The following FAM20B variants were observed in gnomAD, a reference collection of about 807,000 sequenced individuals.
FAM20B encodes the protein glycosaminoglycan xylosylkinase.
FAM20B carries 23 observed loss-of-function variants against 43.8 expected under a neutral mutation model. The ratio of observed to expected loss-of-function variants is 0.53; its 90% confidence interval spans 0.38 to 0.74. The LOEUF is 0.74. Ranked by LOEUF, FAM20B falls within the 30% of genes least tolerant of loss-of-function variation. The probability of loss-of-function intolerance (pLI) is 0.00; values close to 1 mark genes in which losing one functional copy is unlikely to be tolerated. For synonymous variants in FAM20B, 178 were observed against 192.4 expected (o/e 0.93, Z 0.62); for missense variants, 440 against 510.5 (o/e 0.86, Z 1.33).
chr1:179,022,054 G>A (rs1222993337), upstream of FAM20B, among the ~76,000 whole-genome samples: 1 of 152,186 alleles, frequency 6.6e-6, no homozygotes, highest in Admixed American at 6.5e-5. Context: ...GGCATTGACA[G>A]GGGTGCCACG....
intron 2 of FAM20B, among the ~76,000 whole-genome samples, chr1:179,044,505 C>T (rs1184986330): frequency 6.6e-6 from 1 of 152,160 alleles, no homozygotes; most frequent in African/African-American, 2.4e-5. Context: ...TTACTATCTC[C>T]GTAGTTTTGC....
At chr1:179,062,578 A>G (rs952444217) in intron 4 of FAM20B, among the ~76,000 whole-genome samples, 7 of 152,056 alleles carry the variant, frequency 4.6e-5, no homozygotes, top group African/African-American at 1.7e-4. Flanking sequence ...TGAACCCGGG[A>G]GGCGGAGGTT....
intron 4 of FAM20B, 100 bp from the exon 5 acceptor site, chr1:179,063,827 C>T: frequency 1.1e-5 from 8 of 753,938 alleles, no homozygotes; most frequent in South Asian, 7.0e-5. Context: ...TTGTTTTCAC[C>T]ATGCTTATTT....
intron 2 of FAM20B, among the ~76,000 whole-genome samples, chr1:179,049,194 A>T (rs1650898078): frequency 6.6e-6 from 1 of 152,226 alleles, no homozygotes; most frequent in Non-Finnish European, 1.5e-5. Flanking sequence ...CATACATGTG[A>T]TAGAAAATCA....
Position 179,043,964 on chromosome 1 carries a change from G to C in FAM20B, c.117G>C (p.Arg39Ser), listed in dbSNP as rs1650651715. The change falls in exon 2 of 8, where the codon AGG (arginine) becomes AGC (serine). Residue 39 changes from arginine (R) to serine (S), a missense_variant. Coordinates refer to ENST00000263733, the MANE Select transcript of FAM20B (RefSeq NM_014864.4). ...CAGCTGCCAACCGGGAGGACCAGAG[G>C]GCCTTTCACCGAATGATGACTGGCT... ...DTSAANREDQ[R>S]AFHRMMTGLR... 3.1e-6 allele frequency: 5 copies of C among 1,614,090 alleles called. No individual in the cohort carries two copies. The highest frequency in any genetic ancestry group is 3.3e-4 in the Middle Eastern group (2 of 6,060).
intron 1 of FAM20B, among the ~76,000 whole-genome samples, chr1:179,037,928 A>T (rs936963684): frequency 1.3e-5 from 2 of 151,902 alleles, no homozygotes; most frequent in African/African-American, 2.4e-5. Flanking sequence ...ACAAACTTGG[A>T]TTGTGGGATT....
rs1652110385 is a variant in FAM20B at position 179,075,904 on chromosome 1, G to C, written c.*3760G>C. On this transcript the variant is annotated 3_prime_UTR_variant, in exon 8 of 8. Coordinates refer to ENST00000263733, the MANE Select transcript of FAM20B (RefSeq NM_014864.4). The stretch of plus-strand genomic sequence containing the variant: ...CAATGATGGTAAAACAGCATCATCA[G>C]TAAGCTATCTTATATGCCTCATCCT... The C allele has an allele frequency of 1.3e-5, 2 of 152,188 alleles. No homozygotes were observed. Among genetic ancestry groups the C allele is most frequent in the African/African-American group, 4.8e-5 (2 of 41,504 alleles). 9.4% of individuals were successfully genotyped at this position (152,188 alleles called of 1,614,324 possible). A position where few individuals can be genotyped will look rare whatever the true frequency, so the allele number is the denominator to read the frequency against.
At chr1:179,021,277 T>C (rs187424660), upstream of FAM20B, among the ~76,000 whole-genome samples, 377 of 152,204 alleles carry the variant, frequency 2.5e-3, 2 homozygotes, top group Non-Finnish European at 4.5e-3. Flanking sequence ...AATTACTTCA[T>C]GCATTGAATT....
chr1:179,067,841 G>A (rs947789431), intron 7 of FAM20B, among the ~76,000 whole-genome samples: 3 of 152,000 alleles, frequency 2.0e-5, no homozygotes, highest in African/African-American at 2.4e-5. Context: ...TCAGCTCACC[G>A]AAATCTCTGC....
At chr1:179,031,639 T>A (rs1455099951) in intron 1 of FAM20B, among the ~76,000 whole-genome samples, 1 of 152,230 alleles carries the variant, frequency 6.6e-6, no homozygotes, top group Admixed American at 6.5e-5. Context: ...TATAAGTGAT[T>A]CTGAGTTTAC....
At chr1:179,037,358 C>G (rs1650284380) in intron 1 of FAM20B, among the ~76,000 whole-genome samples, 1 of 150,380 alleles carries the variant, frequency 6.6e-6, no homozygotes, top group African/African-American at 2.5e-5. Context: ...TGTTTAGTCT[C>G]TTTTTTTTTA....
At chr1:179,035,664 G>A in intron 1 of FAM20B, 1 of 386,106 alleles carries the variant, frequency 2.6e-6, no homozygotes, top group South Asian at 2.7e-5. Context: ...TTGGAGGCAT[G>A]GACCGGAGAG....
intron 3 of FAM20B, 147 bp from the exon 4 acceptor site, chr1:179,054,381 TA>T: frequency 1.9e-6 from 1 of 514,532 alleles, no homozygotes; most frequent in Non-Finnish European, 3.5e-6. Context: ...ATTAAATTCC[TA>T]AATATATGTA....
intron 4 of FAM20B, among the ~76,000 whole-genome samples, chr1:179,062,629 A>G (rs980001514): frequency 2.6e-5 from 4 of 151,900 alleles, no homozygotes; most frequent in African/African-American, 9.7e-5. Context: ...TAGCCTGGGC[A>G]ACAGAGCGAG....
chr1:179,017,434 T>C, the FAM20B span, among the ~76,000 whole-genome samples: 2 of 152,240 alleles, frequency 1.3e-5, no homozygotes, highest in African/African-American at 4.8e-5. Context: ...TGTTTTACTT[T>C]TGACTTTTTT....
intron 1 of FAM20B, among the ~76,000 whole-genome samples, chr1:179,026,808 G>A (rs1227011793): frequency 6.6e-6 from 1 of 152,254 alleles, no homozygotes; most frequent in East Asian, 1.9e-4. Flanking sequence ...AATGTGAATA[G>A]TTGTCGAGCT....
intron 4 of FAM20B, among the ~76,000 whole-genome samples, chr1:179,063,570 A>G (rs1230863962): frequency 2.6e-5 from 4 of 152,218 alleles, no homozygotes; most frequent in Non-Finnish European, 5.9e-5. Context: ...CTTGGATGAC[A>G]AAGCCAGACC....
intron 1 of FAM20B, among the ~76,000 whole-genome samples, chr1:179,032,612 A>G (rs972251812): frequency 2.0e-5 from 3 of 152,196 alleles, no homozygotes; most frequent in African/African-American, 7.2e-5. Context: ...CCCCTCTGCT[A>G]CAGAAAGCTT....
intron 1 of FAM20B, among the ~76,000 whole-genome samples, chr1:179,039,256 A>G (rs1375700426): frequency 2.0e-5 from 3 of 152,238 alleles, no homozygotes; most frequent in Non-Finnish European, 2.9e-5. Context: ...CTTATGGAGT[A>G]GAAAGCAACC....
Sources: allele counts gnomAD v4.1 joint callset (sites outside exome capture counted in the v4.1 genomes callset), GRCh38; gene constraint gnomAD v4.1.1; transcripts MANE v1.5; gene names NCBI Gene and HGNC (gene_info 2026-07-23, HGNC 2026-07-21).